Variants in MUC13 observed in about 807,000 individuals in gnomAD.
The protein encoded by MUC13 is mucin 13, cell surface associated.
Under a neutral mutation model 48.3 loss-of-function variants are expected in MUC13, and 32 were observed. That is an observed-to-expected ratio of 0.66 (90% CI 0.50 to 0.89). The LOEUF (loss-of-function observed/expected upper bound fraction) is 0.89, where lower values mean the gene tolerates loss of function less well. MUC13 is among the 40% of genes least tolerant of loss of function. MUC13 has a pLI of 0.00. For missense variants in MUC13, 571 were observed against 622.8 expected (o/e 0.92, Z 0.88); for synonymous variants, 199 against 224.9 (o/e 0.88, Z 1.03).
At chr3:124,921,134 T>A (rs889883983) in intron 4 of MUC13, among the ~76,000 whole-genome samples, 2 of 149,360 alleles carry the variant, frequency 1.3e-5, no homozygotes, top group East Asian at 2.0e-4. Flanking sequence ...TTTAAAAAAA[T>A]GTCTCTCCAT....
At chr3:124,929,298 G>A (rs1935752449) in intron 1 of MUC13, among the ~76,000 whole-genome samples, 2 of 151,726 alleles carry the variant, frequency 1.3e-5, no homozygotes, top group African/African-American at 2.4e-5. Flanking sequence ...CACCTTGGCC[G>A]CCCAAGTGTT....
chr3:124,927,474 C>T (rs1007206941), intron 2 of MUC13, 58 bp downstream of exon 2: 2 of 1,527,814 alleles, frequency 1.3e-6, no homozygotes, highest in African/African-American at 1.4e-5. Flanking sequence ...TACCCACCTC[C>T]CTCCCTCCAC....
Position 124,918,048 on chromosome 3 carries a change from G to A in MUC13, c.801-1568C>T, listed in dbSNP as rs111588807. On this transcript the variant is annotated intron_variant, in intron 5 of 11. Coordinates refer to ENST00000616727, the MANE Select transcript of MUC13 (RefSeq NM_033049.4). ...GGCTTGGAGTTAAGACAGGAGGTCC[G>A]GACCCTTGTGGCCCGAGACCAGTCA... Among the ~76,000 whole-genome samples, 335 of 152,248 alleles carry A rather than the reference G, an allele frequency of 2.2e-3. 3 individuals are homozygous for A. The highest frequency in any genetic ancestry group is 7.1e-3 in the African/African-American group (296 of 41,558).
At chr3:124,912,261 C>T in intron 8 of MUC13, 120 bp from the exon 9 acceptor site, 3 of 1,424,192 alleles carry the variant, frequency 2.1e-6, no homozygotes, top group East Asian at 2.5e-5. Flanking sequence ...TCCTCCCTTG[C>T]TTTTTTTCCT....
intron 6 of MUC13, among the ~76,000 whole-genome samples, chr3:124,914,751 A>G (rs1935482241): frequency 6.6e-6 from 1 of 151,734 alleles, no homozygotes; most frequent in African/African-American, 2.4e-5. Context: ...AAATGGCGAA[A>G]ACCGTCTCTA....
chr3:124,932,452 G>A (rs1935814117), intron 1 of MUC13, among the ~76,000 whole-genome samples: 1 of 151,952 alleles, frequency 6.6e-6, no homozygotes, highest in Admixed American at 6.6e-5. Context: ...TGTAATCCCA[G>A]CTAGTCTGGA....
chr3:124,915,175 C>A (rs572692376), intron 6 of MUC13, among the ~76,000 whole-genome samples: 1 of 152,254 alleles, frequency 6.6e-6, no homozygotes, highest in Non-Finnish European at 1.5e-5. Context: ...CACCTCTTCC[C>A]GGGACTGGCC....
chr3:124,908,252 T>C lies in MUC13; in HGVS notation c.1434A>G (p.Gly478=). The C allele has an allele frequency of 6.2e-7, 1 of 1,614,054 alleles. No individual in the cohort carries two copies. The highest frequency in any genetic ancestry group is 2.2e-5 in the East Asian group (1 of 44,900). ...KLRSTGFTNL[G]AEGSVFPKVR... is the part of the protein sequence containing the mutation. ...CCTTAGGAAAGACGCTCCCTTCTGC[T>C]CCAAGATTGGTGAAGCCTGTCGACC... is the stretch of plus-strand genomic sequence containing the variant. The change falls in exon 11 of 12, where the codon GGA becomes GGG. Residue 478 remains glycine (G), a synonymous_variant. Transcript: ENST00000616727.
chr3:124,920,338 A>T (rs1935573806), intron 4 of MUC13, 49 bp from the exon 5 acceptor site: 2 of 1,380,210 alleles, frequency 1.4e-6, no homozygotes, highest in Non-Finnish European at 2.0e-6. Context: ...TTTTTTTTTC[A>T]CATTTTCTAC....
In MUC13 at chr3:124,920,292, G is replaced by A; in HGVS notation, c.745-3C>T. ...GATGTGCCAAATACATCTTTAAACT[G>A]TGGAGGAAAACAGATTTAATAACAA... is the stretch of plus-strand genomic sequence containing the variant. On this transcript the variant is annotated splice_region_variant and splice_polypyrimidine_tract_variant and intron_variant, in intron 4 of 11. Coordinates refer to ENST00000616727, the MANE Select transcript of MUC13 (RefSeq NM_033049.4). 1 of 1,599,200 alleles carries A rather than the reference G, an allele frequency of 6.3e-7. No individual in the cohort carries two copies. Among genetic ancestry groups the A allele is most frequent in the Non-Finnish European group, 8.5e-7 (1 of 1,172,204 alleles).
At chr3:124,911,851 A>C (rs528605623) in intron 9 of MUC13, among the ~76,000 whole-genome samples, 39 of 152,280 alleles carry the variant, frequency 2.6e-4, no homozygotes, top group Middle Eastern at 6.8e-3. Flanking sequence ...CTCTGGTCTC[A>C]AGCAAGTCCA....
In MUC13 at chr3:124,906,223, C is replaced by T. The variant is rs999737549; in HGVS notation, c.*520G>A. ...AATCTCTCCATTGGAGGGATAGAAG[C>T]AGTGTCCCTATTCTGACTTGTCAGA... On this transcript the variant is annotated 3_prime_UTR_variant, in exon 12 of 12. Coordinates refer to ENST00000616727, the MANE Select transcript of MUC13 (RefSeq NM_033049.4). 1.3e-5 allele frequency: 2 copies of T among 152,670 alleles called. No homozygotes were observed. The highest frequency in any genetic ancestry group is 2.4e-5 in the African/African-American group (1 of 41,452). 9.5% of individuals were successfully genotyped at this position (152,670 alleles called of 1,614,324 possible). A position where few individuals can be genotyped will look rare whatever the true frequency, so the allele number is the denominator to read the frequency against.
At chr3:124,921,853 C>T (rs1935597588) in intron 4 of MUC13, among the ~76,000 whole-genome samples, 1 of 152,136 alleles carries the variant, frequency 6.6e-6, no homozygotes, top group Non-Finnish European at 1.5e-5. Flanking sequence ...TTTATCTGTC[C>T]ATTTAAAACT....
chr3:124,924,325 G>T (rs1708151982), intron 2 of MUC13, among the ~76,000 whole-genome samples: 1 of 152,182 alleles, frequency 6.6e-6, no homozygotes, highest in African/African-American at 2.4e-5. Flanking sequence ...GGCCAGGCAG[G>T]GTGTAGCATC....
At chr3:124,910,933 T>A (rs571594578) in intron 9 of MUC13, among the ~76,000 whole-genome samples, 1 of 152,258 alleles carries the variant, frequency 6.6e-6, no homozygotes, top group East Asian at 1.9e-4. Flanking sequence ...ATAACATCAA[T>A]GAGGGAAGAG....
intron 11 of MUC13, among the ~76,000 whole-genome samples, chr3:124,907,802 T>C (rs996391117): frequency 6.6e-6 from 1 of 152,138 alleles, no homozygotes; most frequent in African/African-American, 2.4e-5. Context: ...AGGACCTAGG[T>C]CTTCAAACAG....
intron 1 of MUC13, among the ~76,000 whole-genome samples, chr3:124,930,352 T>A (rs1371357786): frequency 7.0e-4 from 3 of 4,286 alleles, no homozygotes; most frequent in Non-Finnish European, 3.9e-3. Flanking sequence ...ATAGCTACGA[T>A]TTTTTTTTAA....
intron 1 of MUC13, among the ~76,000 whole-genome samples, chr3:124,929,656 C>A (rs181451125): frequency 6.6e-6 from 1 of 152,294 alleles, no homozygotes; most frequent in East Asian, 1.9e-4. Context: ...CCTATTCCTG[C>A]CACTCAGGAT....
intron 6 of MUC13, among the ~76,000 whole-genome samples, 169 bp from the exon 7 acceptor site, chr3:124,913,850 G>A (rs953403106): frequency 6.6e-6 from 1 of 152,190 alleles, no homozygotes; most frequent in Non-Finnish European, 1.5e-5. Context: ...GCCAAGGCAG[G>A]AGTATCGTTT....
Sources: allele counts gnomAD v4.1 joint callset (sites outside exome capture counted in the v4.1 genomes callset), GRCh38; gene constraint gnomAD v4.1.1; transcripts MANE v1.5; gene names NCBI Gene and HGNC (gene_info 2026-07-23, HGNC 2026-07-21).